Variants in DNAH11 observed in about 807,000 individuals in gnomAD.
The protein encoded by DNAH11 is axonemal beta dynein heavy chain 11.
Under a neutral mutation model 526.0 loss-of-function variants are expected in DNAH11, and 442 were observed. That is an observed-to-expected ratio of 0.84 (90% CI 0.78 to 0.91). The LOEUF (loss-of-function observed/expected upper bound fraction) is 0.91, where lower values mean the gene tolerates loss of function less well. DNAH11 is among the 40% of genes least tolerant of loss of function. DNAH11 has a pLI of 0.00. For missense variants in DNAH11, 6,989 were observed against 5,448.7 expected, an observed-to-expected ratio of 1.28 and a Z score of -8.90; for synonymous variants, 2,461 against 1,935.9, an observed-to-expected ratio of 1.27 and a Z score of -7.12.
chr7:21,879,070 T>C (rs1262747119), intron 74 of DNAH11, among the ~76,000 whole-genome samples: 2 of 152,194 alleles, frequency 1.3e-5, no homozygotes, highest in African/African-American at 2.4e-5. Context: ...GGACAGCTAT[T>C]TTTCTTTTAA....
At chr7:21,689,776 T>C (rs1783531756) in intron 34 of DNAH11, among the ~76,000 whole-genome samples, 1 of 152,240 alleles carries the variant, frequency 6.6e-6, no homozygotes, top group Non-Finnish European at 1.5e-5. Context: ...GTTTTCTCTT[T>C]CATGATGCAG....
At chr7:21,669,292 C>G (rs1204428086) in intron 30 of DNAH11, among the ~76,000 whole-genome samples, 1 of 152,170 alleles carries the variant, frequency 6.6e-6, no homozygotes, top group Non-Finnish European at 1.5e-5. Context: ...CTGCCTCAGC[C>G]TCTTTTGTAG....
chr7:21,849,314 T>C (rs1052592904), intron 66 of DNAH11, among the ~76,000 whole-genome samples: 2 of 152,242 alleles, frequency 1.3e-5, no homozygotes, highest in Non-Finnish European at 2.9e-5. Context: ...CCATAAGTTA[T>C]AATCACTGAC....
At chr7:21,685,139 C>G (rs1398908591) in intron 32 of DNAH11, among the ~76,000 whole-genome samples, 1 of 152,184 alleles carries the variant, frequency 6.6e-6, no homozygotes, top group Non-Finnish European at 1.5e-5. Context: ...TAACTTGTCT[C>G]TGATTAAAAG....
intron 25 of DNAH11, among the ~76,000 whole-genome samples, chr7:21,627,346 C>A (rs1485819053): frequency 6.6e-6 from 1 of 152,142 alleles, no homozygotes; most frequent in South Asian, 2.1e-4. Context: ...CACACAAAAT[C>A]TTTGCCCACA....
At chr7:21,768,107 C>A (rs1388821198) in intron 55 of DNAH11, among the ~76,000 whole-genome samples, 1 of 152,104 alleles carries the variant, frequency 6.6e-6, no homozygotes, top group Admixed American at 6.5e-5. Context: ...CAAATAATGA[C>A]CAAAACAGTT....
At chr7:21,859,955 A>T (rs1311397581) in intron 68 of DNAH11, among the ~76,000 whole-genome samples, 1 of 152,094 alleles carries the variant, frequency 6.6e-6, no homozygotes, top group African/African-American at 2.4e-5. Context: ...TTCTCCAAAG[A>T]TGTTATAAAA....
chr7:21,816,495 A>G lies in DNAH11; in HGVS notation c.10361A>G (p.Asp3454Gly). ...KVSIPLTEGL[D>G]LISMLTDDAT... ...TCCATTCCACTAACCGAAGGCCTGGACTTGATATCCATGTTGACGGATGAT... is the reference window on the plus strand; with the variant it reads ...TCCATTCCACTAACCGAAGGCCTGGGCTTGATATCCATGTTGACGGATGAT... Residue 3454 changes from aspartate to glycine, a missense_variant, in exon 64 of 82, where the codon GAC becomes GGC. By Grantham distance (94) the Asp-to-Gly change is moderately conservative. Transcript: ENST00000409508. The G allele has an allele frequency of 6.2e-7, 1 of 1,610,218 alleles. No homozygotes were observed. Among genetic ancestry groups the G allele is most frequent in the Non-Finnish European group, 8.5e-7 (1 of 1,178,492 alleles).
At chr7:21,770,606 T>C (rs568348394) in intron 55 of DNAH11, among the ~76,000 whole-genome samples, 1 of 152,310 alleles carries the variant, frequency 6.6e-6, no homozygotes, top group Non-Finnish European at 1.5e-5. Flanking sequence ...ATAATGCCGC[T>C]GGTAAGGGGT....
chr7:21,778,022 C>T (rs1274433722), intron 56 of DNAH11, among the ~76,000 whole-genome samples: 1 of 152,038 alleles, frequency 6.6e-6, no homozygotes, highest in Admixed American at 6.6e-5. Context: ...AAAAGAAGTG[C>T]AGTGGAGAGA....
intron 61 of DNAH11, among the ~76,000 whole-genome samples, chr7:21,796,600 G>A (rs1477411499): frequency 2.0e-5 from 3 of 152,138 alleles, no homozygotes; most frequent in South Asian, 2.1e-4. Context: ...TTATCATGGC[G>A]GCCAAGGGAG....
intron 18 of DNAH11, among the ~76,000 whole-genome samples, chr7:21,604,648 G>A (rs1785214295): frequency 6.6e-6 from 1 of 152,130 alleles, no homozygotes; most frequent in South Asian, 2.1e-4. Context: ...GAGAGGCTTT[G>A]GAGATCATCT....
intron 28 of DNAH11, among the ~76,000 whole-genome samples, chr7:21,651,426 G>A (rs527530628): frequency 1.2e-4 from 18 of 151,858 alleles, no homozygotes; most frequent in African/African-American, 4.3e-4. Flanking sequence ...GCAGTGGCGC[G>A]ATCTCAGCTC....
chr7:21,898,343 C>T lies in DNAH11; in HGVS notation c.13050-993C>T, dbSNP rs147836013. On this transcript the variant is annotated intron_variant, in intron 79 of 81. Transcript: ENST00000409508. Reference sequence around the variant, plus strand: ...GGCACAGAGATTTTCCTTGTGGTGACGTAAGTTTGACCGTGAGCATTCTGA... The same window carrying T: ...GGCACAGAGATTTTCCTTGTGGTGATGTAAGTTTGACCGTGAGCATTCTGA... 4.1e-3 allele frequency among the ~76,000 whole-genome samples: 626 copies of T among 152,272 alleles called. 1 individual carries two copies. The highest frequency in any genetic ancestry group is 0.014 in the African/African-American group (587 of 41,548).
At chr7:21,812,000 C>G (rs899791829) in intron 63 of DNAH11, among the ~76,000 whole-genome samples, 2 of 152,060 alleles carry the variant, frequency 1.3e-5, no homozygotes, top group Non-Finnish European at 2.9e-5. Context: ...ATATCGGAAG[C>G]CAGGGATGGG....
rs1786659890 is a variant in DNAH11, at chr7:21,756,818, T to C, written c.8940+6454T>C. Among the ~76,000 whole-genome samples the C allele has an allele frequency of 2.6e-5, 4 of 152,324 alleles. 1 individual carries two copies. The highest frequency in any genetic ancestry group is 5.9e-5 in the Non-Finnish European group (4 of 68,018). Reference sequence around the variant, plus strand: ...ATTAGAATCGCCTAAAATTTGTTAATGAATGTGGGAAGAATTAGCATCTTT... The same window carrying C: ...ATTAGAATCGCCTAAAATTTGTTAACGAATGTGGGAAGAATTAGCATCTTT... On this transcript the variant is annotated intron_variant, in intron 54 of 81. Coordinates refer to ENST00000409508, the MANE Select transcript of DNAH11 (RefSeq NM_001277115.2).
At position 21,599,872 on chromosome 7, in the gene DNAH11, GC is replaced by G; in HGVS notation, c.2754del (p.Gln921ArgfsTer3). 1 of 1,610,390 alleles carries G rather than the reference GC, an allele frequency of 6.2e-7. No homozygotes were observed. Among genetic ancestry groups the G allele is most frequent in the Non-Finnish European group, 8.5e-7 (1 of 1,177,534 alleles). On this transcript the variant is annotated frameshift_variant, in exon 15 of 82. Coordinates refer to ENST00000409508, the MANE Select transcript of DNAH11 (RefSeq NM_001277115.2). LOFTEE classifies it high-confidence loss of function. ...VEFIDDIVVE[G>X]FFQAIMHDLD... ...TTCATTGACGACATTGTGGTGGAAGGCTTTTTTCAGGCTATAATGCACGACT... is the reference window on the plus strand; with the variant it reads ...TTCATTGACGACATTGTGGTGGAAGGTTTTTTCAGGCTATAATGCACGACT...
intron 8 of DNAH11, among the ~76,000 whole-genome samples, chr7:21,580,104 C>T (rs1273231560): frequency 2.6e-5 from 4 of 152,100 alleles, no homozygotes; most frequent in Admixed American, 6.5e-5. Flanking sequence ...GGAGAGGTCC[C>T]ACGTGCAGTT....
chr7:21,864,508 T>A, intron 69 of DNAH11, 27 bp from the exon 70 acceptor site: 1 of 1,607,172 alleles, frequency 6.2e-7, no homozygotes, highest in African/African-American at 1.3e-5. Flanking sequence ...AACCTAATAA[T>A]CCTTTTCAAT....
Sources: gnomAD v4.1 joint callset for allele counts (sites outside exome capture counted in the v4.1 genomes callset) on GRCh38, gnomAD v4.1.1 for gene constraint, MANE v1.5 for transcripts, NCBI Gene and HGNC (gene_info 2026-07-23, HGNC 2026-07-21) for gene names.